The following TRAPPC9 variants were observed in gnomAD, a reference collection of about 807,000 sequenced individuals.
TRAPPC9 encodes trafficking protein particle complex subunit 9, also known as IKK2 binding protein.
Under a neutral mutation model 124.0 loss-of-function variants are expected in TRAPPC9, and 83 were observed. The observed-to-expected ratio is 0.67, with a 90% CI of 0.56 to 0.80. The LOEUF is 0.80. TRAPPC9 is among the 30% of genes least tolerant of loss of function. TRAPPC9 has a pLI of 0.00. For missense variants in TRAPPC9, 1,302 were observed against 1,508.3 expected, an observed-to-expected ratio of 0.86 and a Z score of 2.27; for synonymous variants, 638 against 617.5, an observed-to-expected ratio of 1.03 and a Z score of -0.49.
At chr8:139,920,735 C>T (rs1032308530) in intron 19 of TRAPPC9, among the ~76,000 whole-genome samples, 1 of 152,252 alleles carries the variant, frequency 6.6e-6, no homozygotes, top group African/African-American at 2.4e-5. Flanking sequence ...AAATCTGCTA[C>T]CACAGCAACT....
chr8:139,979,104 C>A (rs2131650135), intron 19 of TRAPPC9, among the ~76,000 whole-genome samples: 1 of 150,588 alleles, frequency 6.6e-6, no homozygotes, highest in South Asian at 2.1e-4. Context: ...AGGGTCAGGT[C>A]TGACAGGAAT....
At chr8:140,352,574 C>T (rs187382252) in intron 9 of TRAPPC9, among the ~76,000 whole-genome samples, 30 of 152,198 alleles carry the variant, frequency 2.0e-4, no homozygotes, top group East Asian at 3.9e-4. Context: ...ACATTAAACG[C>T]GGGGGAAACA....
chr8:139,784,646 A>ATATATATATATATATAT (rs1290029459), intron 21 of TRAPPC9, among the ~76,000 whole-genome samples: 7 of 79,286 alleles, frequency 8.8e-5, no homozygotes, highest in Non-Finnish European at 1.6e-4. Flanking sequence ...TATATATATA[A>ATATATATATATATATAT]ATCAACTGCA....
At chr8:139,793,749 GCCCAGATCCACATGGAGA>G (rs1822861417) in intron 21 of TRAPPC9, among the ~76,000 whole-genome samples, 1 of 152,166 alleles carries the variant, frequency 6.6e-6, no homozygotes, top group Non-Finnish European at 1.5e-5. Flanking sequence ...ACACAAGTCA[GCCCAGATCCACATGGAGA>G]CCCAGATCCA....
At chr8:139,846,250 C>T (rs6989457) in intron 21 of TRAPPC9, among the ~76,000 whole-genome samples, 19,783 of 152,250 alleles carry the variant, frequency 0.13, 2,517 homozygotes, top group African/African-American at 0.33. Context: ...CCCACTGAAC[C>T]CGATGATCAA....
In TRAPPC9 at chr8:140,410,686, AC is replaced by A. The variant is rs2069674237; in HGVS notation, c.887-4989del. Among the ~76,000 whole-genome samples, 6 of 152,170 alleles carry A rather than the reference AC, an allele frequency of 3.9e-5. No homozygotes were observed. The South Asian group carries it at 1.2e-3, about 32-fold the overall frequency. ...GTGAAACTCCATCTCTACTAAAAATACAAAAAATTAGCCAGGCGTGGTGGCG... is the reference window on the plus strand; with the variant it reads ...GTGAAACTCCATCTCTACTAAAAATAAAAAAATTAGCCAGGCGTGGTGGCG... On this transcript the variant is annotated intron_variant, in intron 5 of 22. Coordinates refer to ENST00000438773, the MANE Select transcript of TRAPPC9 (RefSeq NM_001160372.4).
chr8:140,121,802 A>C (rs1026173394), intron 17 of TRAPPC9, among the ~76,000 whole-genome samples: 1 of 152,154 alleles, frequency 6.6e-6, no homozygotes, highest in South Asian at 2.1e-4. Context: ...TGATAAATAC[A>C]GCAGAGTCGT....
intron 17 of TRAPPC9, among the ~76,000 whole-genome samples, chr8:140,077,149 G>C (rs367796528): frequency 2.0e-4 from 30 of 152,104 alleles, no homozygotes; most frequent in African/African-American, 7.0e-4. Context: ...CCGAGTGAGA[G>C]AGCCAGATCC....
At chr8:139,996,157 G>GAAAAAAAAAAAAAAAAAAAAAAAAAAAA (rs1587444987) in intron 18 of TRAPPC9, among the ~76,000 whole-genome samples, 1 of 13,404 alleles carries the variant, frequency 7.5e-5, no homozygotes, top group Non-Finnish European at 1.4e-4. Flanking sequence ...AAAAACTTAA[G>GAAAAAAAAAAAAAAAAAAAAAAAAAAAA]CAAAAAAAAA....
chr8:139,765,359 ACAG>A (rs1487700772), intron 21 of TRAPPC9, among the ~76,000 whole-genome samples: 2 of 152,334 alleles, frequency 1.3e-5, no homozygotes, highest in East Asian at 3.9e-4. Flanking sequence ...CCCTCGAGGG[ACAG>A]CACTATTGTG....
chr8:140,188,208 C>T (rs368612211), intron 17 of TRAPPC9, among the ~76,000 whole-genome samples: 10 of 152,340 alleles, frequency 6.6e-5, no homozygotes, highest in African/African-American at 2.4e-4. Context: ...GAATGAGTGA[C>T]AGTGTCACTG....
At chr8:140,255,513 G>T (rs2064231459) in intron 15 of TRAPPC9, among the ~76,000 whole-genome samples, 2 of 152,238 alleles carry the variant, frequency 1.3e-5, no homozygotes, top group South Asian at 4.1e-4. Context: ...AAGGATGATG[G>T]AATCGTTGAG....
intron 17 of TRAPPC9, among the ~76,000 whole-genome samples, chr8:140,077,037 A>G (rs1005015313): frequency 6.6e-6 from 1 of 152,048 alleles, no homozygotes; most frequent in Admixed American, 6.6e-5. Context: ...ATGGTAGCAC[A>G]CACCTGTAGT....
At chr8:139,787,579 T>G (rs1295252354) in intron 21 of TRAPPC9, among the ~76,000 whole-genome samples, 11 of 152,212 alleles carry the variant, frequency 7.2e-5, no homozygotes, top group Non-Finnish European at 1.5e-5. Flanking sequence ...AAAGCTTAAA[T>G]GTAAATGAAC....
At chr8:139,772,798 T>A (rs1821068007) in intron 21 of TRAPPC9, among the ~76,000 whole-genome samples, 1 of 152,148 alleles carries the variant, frequency 6.6e-6, no homozygotes, top group Admixed American at 6.5e-5. Context: ...AGGCCCAAGA[T>A]GGGCCCAATC....
chr8:140,190,711 T>C (rs1430172980), intron 17 of TRAPPC9, among the ~76,000 whole-genome samples: 1 of 152,206 alleles, frequency 6.6e-6, no homozygotes, highest in Non-Finnish European at 1.5e-5. Flanking sequence ...TTCTCCGCCA[T>C]GGCTTTCCCT....
intron 19 of TRAPPC9, among the ~76,000 whole-genome samples, chr8:139,946,951 C>T (rs758213715): frequency 6.6e-6 from 1 of 152,052 alleles, no homozygotes; most frequent in Non-Finnish European, 1.5e-5. Context: ...TGCACCACTG[C>T]ACTCCAGCCT....
chr8:139,833,627 A>G (rs1826132981), intron 21 of TRAPPC9, among the ~76,000 whole-genome samples: 1 of 152,250 alleles, frequency 6.6e-6, no homozygotes, highest in African/African-American at 2.4e-5. Context: ...CAGGCAGGGC[A>G]CTGTGCTGCC....
chr8:140,326,120 C>T (rs112510897), intron 9 of TRAPPC9, among the ~76,000 whole-genome samples: 2,168 of 151,982 alleles, frequency 0.014, 46 homozygotes, highest in African/African-American at 0.05. Context: ...GGCGCAGTGG[C>T]TCATGCCTGT....
Sources: allele counts gnomAD v4.1 joint callset (sites outside exome capture counted in the v4.1 genomes callset), GRCh38; gene constraint gnomAD v4.1.1; transcripts MANE v1.5; gene names NCBI Gene and HGNC (gene_info 2026-07-23, HGNC 2026-07-21).